ASTN2: variants seen among roughly 807,000 people sequenced by gnomAD.
ASTN2 encodes astrotactin-2.
ASTN2 carries 54 observed loss-of-function variants against 139.8 expected under a neutral mutation model. The observed-to-expected ratio is 0.39, with a 90% CI of 0.31 to 0.48. The LOEUF (loss-of-function observed/expected upper bound fraction) is 0.48. Among genes scored for constraint, ASTN2 ranks in the 20% least tolerant of loss-of-function variants. ASTN2 has a pLI of 0.95. For missense variants in ASTN2, 1,565 were observed against 1,725.1 expected, an observed-to-expected ratio of 0.91 and a Z score of 1.64; for synonymous variants, 756 against 719.5, an observed-to-expected ratio of 1.05 and a Z score of -0.81.
At chr9:116,887,056 C>G (rs1176274850) in intron 10 of ASTN2, among the ~76,000 whole-genome samples, 1 of 152,068 alleles carries the variant, frequency 6.6e-6, no homozygotes, top group Non-Finnish European at 1.5e-5. Context: ...GAAACAAGTG[C>G]TCAATAAATT....
chr9:116,454,442 T>G (rs1848266509), intron 20 of ASTN2, among the ~76,000 whole-genome samples: 1 of 152,022 alleles, frequency 6.6e-6, no homozygotes, highest in Non-Finnish European at 1.5e-5. Context: ...ACTTTTACAC[T>G]GTTGGTGGGA....
intron 3 of ASTN2, among the ~76,000 whole-genome samples, chr9:117,183,017 A>G (rs1831113408): frequency 6.6e-6 from 1 of 152,228 alleles, no homozygotes; most frequent in Non-Finnish European, 1.5e-5. Context: ...TGAACGCTAC[A>G]TACCCTTCTA....
intron 6 of ASTN2, among the ~76,000 whole-genome samples, chr9:117,039,338 C>T (rs1012944240): frequency 6.6e-6 from 1 of 151,930 alleles, no homozygotes; most frequent in East Asian, 1.9e-4. Flanking sequence ...AACAGAAAAC[C>T]AAACACCACA....
intron 1 of ASTN2, among the ~76,000 whole-genome samples, chr9:117,329,775 G>C (rs1325720145): frequency 6.6e-6 from 1 of 152,176 alleles, no homozygotes; most frequent in Non-Finnish European, 1.5e-5. Context: ...AGACGACTGT[G>C]ATGAAAATAG....
At chr9:117,338,703 C>G (rs74901656) in intron 1 of ASTN2, among the ~76,000 whole-genome samples, 1 of 151,966 alleles carries the variant, frequency 6.6e-6, no homozygotes, top group Non-Finnish European at 1.5e-5. Flanking sequence ...GCACTGAATA[C>G]GGGTGGATTA....
intron 19 of ASTN2, among the ~76,000 whole-genome samples, chr9:116,607,445 C>T: frequency 6.6e-6 from 1 of 152,112 alleles, no homozygotes; most frequent in Non-Finnish European, 1.5e-5. Flanking sequence ...TCACTGTCTT[C>T]AATCTTCTGA....
In ASTN2 at chr9:117,109,829, G is replaced by T. The variant is rs370082422; in HGVS notation, c.1169-13678C>A. 3.2e-4 allele frequency among the ~76,000 whole-genome samples: 49 copies of T among 152,176 alleles called. 1 individual carries two copies. In the East Asian group the frequency reaches 6.8e-3, roughly 21 times the overall value. ...CAATTTTGAAGCCTCAGCCTTTCCG[G>T]GAGTATTCTCATGAGTTTGGGCTAA... On this transcript the variant is annotated intron_variant, in intron 4 of 22. Transcript: ENST00000313400.
rs77730748 is a variant in ASTN2 at position 116,426,008 on chromosome 9, C to A, written c.3863G>T (p.Ser1288Ile). The A allele has an allele frequency of 2.0e-4, 327 of 1,614,156 alleles. No homozygotes were observed. In the African/African-American group the frequency reaches 3.6e-3, roughly 18 times the overall value. ...SSLLRSAYIQ[S>I]RVETVPYLFC... ...AAGATAGGGCACTGTTTCCACGCGG[C>A]TCTGGATGTAGGCACTCCGCAGGAG... The change falls in exon 23 of 23, where the codon AGC becomes ATC. Residue 1288 changes from serine to isoleucine, a missense_variant. Around this residue, in one of 4 missense-constraint regions of ASTN2, gnomAD observed 418 missense variants for 465.8 expected, o/e 0.90. Transcript: ENST00000313400.
chr9:116,703,106 G>C (rs1005738089), intron 16 of ASTN2, among the ~76,000 whole-genome samples: 2 of 151,512 alleles, frequency 1.3e-5, no homozygotes, highest in Admixed American at 1.3e-4. Context: ...CAGTGTAAAA[G>C]TGTTCCTATT....
intron 5 of ASTN2, among the ~76,000 whole-genome samples, chr9:117,060,990 T>C (rs1839273267): frequency 6.6e-6 from 1 of 151,714 alleles, no homozygotes; most frequent in African/African-American, 2.4e-5. Flanking sequence ...ACAAATCAGG[T>C]TTTTTGTTTT....
chr9:116,560,987 G>C (rs932121569), intron 19 of ASTN2, among the ~76,000 whole-genome samples: 1 of 152,042 alleles, frequency 6.6e-6, no homozygotes, highest in Non-Finnish European at 1.5e-5. Flanking sequence ...TGCTAGGATG[G>C]GGTAGACATA....
At chr9:117,286,169 C>A (rs1237646836) in intron 2 of ASTN2, among the ~76,000 whole-genome samples, 1 of 151,974 alleles carries the variant, frequency 6.6e-6, no homozygotes, top group African/African-American at 2.4e-5. Flanking sequence ...TTGTTGAAAG[C>A]AACTTTGATC....
chr9:117,122,958 A>G (rs1337748814), intron 4 of ASTN2, among the ~76,000 whole-genome samples: 5 of 152,148 alleles, frequency 3.3e-5, no homozygotes, highest in Admixed American at 2.0e-4. Flanking sequence ...CACACAGACC[A>G]GATGAGGAGC....
intron 19 of ASTN2, among the ~76,000 whole-genome samples, chr9:116,549,642 G>T (rs1587983117): frequency 6.6e-6 from 1 of 152,188 alleles, no homozygotes; most frequent in Non-Finnish European, 1.5e-5. Context: ...AACGATTCTG[G>T]TTAGGTGTAG....
At chr9:116,673,560 T>C (rs545341038) in intron 16 of ASTN2, among the ~76,000 whole-genome samples, 1 of 152,306 alleles carries the variant, frequency 6.6e-6, no homozygotes, top group South Asian at 2.1e-4. Context: ...AATGTAATAC[T>C]GGAGTGGGGC....
At chr9:116,643,383 T>A (rs907757700) in intron 17 of ASTN2, among the ~76,000 whole-genome samples, 9 of 152,306 alleles carry the variant, frequency 5.9e-5, no homozygotes, top group African/African-American at 2.2e-4. Context: ...CTGTTTTCTG[T>A]AGCTACTACT....
At chr9:116,466,156 A>G (rs1046358252) in intron 20 of ASTN2, among the ~76,000 whole-genome samples, 1 of 152,152 alleles carries the variant, frequency 6.6e-6, no homozygotes, top group African/African-American at 2.4e-5. Context: ...TGAATCAAGG[A>G]CGCATAGTGG....
At chr9:116,508,298 A>C (rs1850200069) in intron 19 of ASTN2, among the ~76,000 whole-genome samples, 1 of 152,214 alleles carries the variant, frequency 6.6e-6, no homozygotes, top group Non-Finnish European at 1.5e-5. Flanking sequence ...GAGCTTGGTG[A>C]GCACATATTA....
chr9:116,429,252 T>C (rs565011898), intron 22 of ASTN2, among the ~76,000 whole-genome samples: 2 of 150,448 alleles, frequency 1.3e-5, no homozygotes, highest in African/African-American at 4.9e-5. Flanking sequence ...AGCTGGAGAA[T>C]TGCTTGAACC....
Sources: gnomAD v4.1 joint callset for allele counts (sites outside exome capture counted in the v4.1 genomes callset) on GRCh38, gnomAD v4.1.1 for gene constraint, gnomAD v4.1.1 regional missense constraint, MANE v1.5 for transcripts, NCBI Gene and HGNC (gene_info 2026-07-23, HGNC 2026-07-21) for gene names.